Variants in CDK14 observed in about 807,000 individuals in gnomAD.
CDK14 encodes cyclin dependent kinase 14, also known as cyclin-dependent kinase 14.
Under a neutral mutation model 60.7 loss-of-function variants are expected in CDK14, and 34 were observed. The ratio of observed to expected loss-of-function variants is 0.56; its 90% CI spans 0.43 to 0.75. CDK14 has a LOEUF of 0.75. CDK14 is among the 30% of genes least tolerant of loss of function. The probability of loss-of-function intolerance (pLI) is 0.00; values close to 1 mark genes in which losing one functional copy is unlikely to be tolerated. For missense variants in CDK14, 482 were observed against 564.1 expected (o/e 0.85, Z 1.47); for synonymous variants, 197 against 203.7 (o/e 0.97, Z 0.28).
At chr7:91,090,149 C>T (rs1798758211) in intron 12 of CDK14, among the ~76,000 whole-genome samples, 1 of 152,184 alleles carries the variant, frequency 6.6e-6, no homozygotes, top group Non-Finnish European at 1.5e-5. Flanking sequence ...CTGCCTCACA[C>T]TTCTTTGGGG....
intron 2 of CDK14, among the ~76,000 whole-genome samples, chr7:90,629,451 C>T (rs1482305553): frequency 6.6e-6 from 1 of 152,138 alleles, no homozygotes; most frequent in Non-Finnish European, 1.5e-5. Context: ...GTCTGTCTGT[C>T]CCTAGTCAAT....
chr7:90,707,461 C>T (rs1801924110), intron 2 of CDK14, among the ~76,000 whole-genome samples: 1 of 152,118 alleles, frequency 6.6e-6, no homozygotes, highest in Non-Finnish European at 1.5e-5. Context: ...TCCTTCACCT[C>T]TCCAATCCAT....
At chr7:91,039,820 G>A (rs143572094) in intron 10 of CDK14, among the ~76,000 whole-genome samples, 18 of 152,074 alleles carry the variant, frequency 1.2e-4, no homozygotes, top group East Asian at 3.9e-4. Flanking sequence ...GGCCGGGTGC[G>A]GTGGCTCACA....
chr7:90,703,347 A>T (rs1801829945), intron 2 of CDK14, among the ~76,000 whole-genome samples: 1 of 152,152 alleles, frequency 6.6e-6, no homozygotes, highest in African/African-American at 2.4e-5. Context: ...TTACATCCGG[A>T]TCTTCTCCAT....
intron 5 of CDK14, among the ~76,000 whole-genome samples, chr7:90,854,836 C>T (rs1790770017): frequency 6.6e-6 from 1 of 152,166 alleles, no homozygotes; most frequent in Admixed American, 6.5e-5. Context: ...CAGAAACCCT[C>T]AGTCCCTAAA....
intron 5 of CDK14, among the ~76,000 whole-genome samples, chr7:90,799,520 T>C (rs1265319256): frequency 3.3e-5 from 5 of 151,758 alleles, no homozygotes; most frequent in African/African-American, 1.2e-4. Context: ...AAACCCCGTG[T>C]CTACTAAAAA....
At chr7:90,635,560 G>A (rs1800123016) in intron 2 of CDK14, among the ~76,000 whole-genome samples, 1 of 152,296 alleles carries the variant, frequency 6.6e-6, no homozygotes. Context: ...TTTGAAGTCA[G>A]GTATTGTGAT....
At chr7:90,677,890 G>A (rs924829632) in intron 2 of CDK14, among the ~76,000 whole-genome samples, 12 of 152,182 alleles carry the variant, frequency 7.9e-5, no homozygotes, top group African/African-American at 2.2e-4. Context: ...AGGGCATGTC[G>A]TTTCTTTAGG....
intron 11 of CDK14, among the ~76,000 whole-genome samples, chr7:91,077,441 T>C (rs890793544): frequency 1.3e-5 from 2 of 151,264 alleles, no homozygotes; most frequent in Non-Finnish European, 2.9e-5. Context: ...AATTTAACAA[T>C]GTGAACATAT....
chr7:91,098,103 C>T (rs545903025), intron 12 of CDK14, among the ~76,000 whole-genome samples: 30 of 152,270 alleles, frequency 2.0e-4, no homozygotes, highest in African/African-American at 7.2e-4. Context: ...CAGTCTTAAT[C>T]CAATTCTTGC....
At chr7:91,031,797 T>G (rs1455698763) in intron 10 of CDK14, among the ~76,000 whole-genome samples, 2 of 152,226 alleles carry the variant, frequency 1.3e-5, no homozygotes, top group Non-Finnish European at 2.9e-5. Flanking sequence ...ACAAACTTGG[T>G]TTTCATAGGA....
rs572940304 is a variant in CDK14 at position 90,688,363 on chromosome 7, A to G, written c.124-38204A>G. On this transcript the variant is annotated intron_variant, in intron 2 of 14. Transcript: ENST00000380050. ...GAAATATAAAAGGAAAAAGCCCGTC[A>G]TCTTACGATCATATTGAAGAAACTT... Among the ~76,000 whole-genome samples, 10 of 152,338 alleles carry G rather than the reference A, an allele frequency of 6.6e-5. No homozygotes were observed. In the South Asian group the frequency reaches 2.1e-3, roughly 32 times the overall value.
rs576141728 is a variant in CDK14 at position 91,181,608 on chromosome 7, C to T, written c.*29-25557C>T. Among the ~76,000 whole-genome samples the T allele has an allele frequency of 5.9e-5, 9 of 151,968 alleles. No homozygotes were observed. In the South Asian group the frequency reaches 1.9e-3, roughly 32 times the overall value. The stretch of plus-strand genomic sequence containing the variant: ...TCCCCTTATTATGTTATTTTGTTGC[C>T]CTGGGGAATCTTTTTTATAGAAAAG... On this transcript the variant is annotated intron_variant, in intron 14 of 14. Transcript: ENST00000380050.
intron 4 of CDK14, among the ~76,000 whole-genome samples, chr7:90,763,700 G>T (rs1453399181): frequency 6.6e-6 from 1 of 151,976 alleles, no homozygotes; most frequent in Non-Finnish European, 1.5e-5. Context: ...AGCATTAGGA[G>T]AAATACCTAA....
chr7:91,097,769 T>C (rs2116301926), intron 12 of CDK14, among the ~76,000 whole-genome samples: 1 of 152,258 alleles, frequency 6.6e-6, no homozygotes, highest in Middle Eastern at 3.4e-3. Flanking sequence ...GATGATCACC[T>C]CACAGGCTGG....
At chr7:90,712,117 A>G (rs1409078425) in intron 2 of CDK14, among the ~76,000 whole-genome samples, 2 of 151,406 alleles carry the variant, frequency 1.3e-5, no homozygotes, top group African/African-American at 4.8e-5. Context: ...GTATGCTTTG[A>G]TATTTTTTAT....
Position 90,776,528 on chromosome 7 carries a change from G to A in CDK14, c.465-14045G>A, listed in dbSNP as rs145920648. Among the ~76,000 whole-genome samples, 5 of 152,322 alleles carry A rather than the reference G, an allele frequency of 3.3e-5. No individual in the cohort carries two copies. The East Asian group carries it at 7.7e-4, about 23-fold the overall frequency. On this transcript the variant is annotated intron_variant, in intron 4 of 14. Coordinates refer to ENST00000380050, the MANE Select transcript of CDK14 (RefSeq NM_001287135.2). Reference sequence around the variant, plus strand: ...GAAGTGGAAGAATTAGAAACCGAGTGTGAGCTCGGCTTTAAAGTTCACACA... The same window carrying A: ...GAAGTGGAAGAATTAGAAACCGAGTATGAGCTCGGCTTTAAAGTTCACACA...
intron 4 of CDK14, among the ~76,000 whole-genome samples, chr7:90,756,373 T>TG (rs1157604576): frequency 3.3e-5 from 5 of 152,372 alleles, no homozygotes; most frequent in Non-Finnish European, 7.3e-5. Flanking sequence ...AGTTGAAGAA[T>TG]TTTTCATTTA....
rs1360694268 is a variant in CDK14, at chr7:90,725,442, C to A, written c.124-1125C>A. Among the ~76,000 whole-genome samples, 10 of 152,142 alleles carry A rather than the reference C, an allele frequency of 6.6e-5. 1 individual carries two copies. The South Asian group carries it at 8.3e-4, about 13-fold the overall frequency. ...ATACCCCACATGGAGTCATTCTATA[C>A]ATATTAGCTCTGTGTATCTGTGGGT... On this transcript the variant is annotated intron_variant, in intron 2 of 14. Coordinates refer to ENST00000380050, the MANE Select transcript of CDK14 (RefSeq NM_001287135.2).
Sources: allele counts gnomAD v4.1 joint callset (sites outside exome capture counted in the v4.1 genomes callset), GRCh38; gene constraint gnomAD v4.1.1; transcripts MANE v1.5; gene names NCBI Gene and HGNC (gene_info 2026-07-23, HGNC 2026-07-21).